The following TMX2 variants were observed in gnomAD, a reference collection of about 807,000 sequenced individuals.
The protein encoded by TMX2 is thioredoxin related transmembrane protein 2, also known as thioredoxin-related transmembrane protein 2.
A neutral mutation model predicts 33.4 loss-of-function variants in TMX2; 20 were observed. That is an observed-to-expected ratio of 0.60 (90% confidence interval 0.42 to 0.87). TMX2 has a LOEUF of 0.87. Ranked by LOEUF, TMX2 falls within the 40% of genes least tolerant of loss-of-function variation. The pLI is 0.00. For synonymous variants in TMX2, 166 were observed against 140.7 expected (o/e 1.18, Z -1.27); for missense variants, 340 against 370.7 (o/e 0.92, Z 0.68).
intron 1 of TMX2, among the ~76,000 whole-genome samples, chr11:57,732,792 T>C (rs552087441): frequency 1.4e-4 from 21 of 152,126 alleles, no homozygotes; most frequent in Admixed American, 3.9e-4. Context: ...ATTAAATCAT[T>C]GGCCATTGGT....
chr11:57,738,676 C>T lies in TMX2; in HGVS notation c.454C>T (p.Arg152Trp), dbSNP rs960444778. 1.2e-5 allele frequency: 20 copies of T among 1,613,636 alleles called. No homozygotes were observed. Among genetic ancestry groups the T allele is most frequent in the African/African-American group, 2.7e-5 (2 of 74,900 alleles). ...CTGTATTTGGCAGGAGGAACTAGAA[C>T]GGGACAAGAGGGTCACTTGGATTGT... ...NDKTIDEELE[R>W]DKRVTWIVEF... Residue 152 changes from arginine (R) to tryptophan (W), a missense_variant, in exon 5 of 8, where the codon CGG (arginine) becomes TGG (tryptophan). Coordinates refer to ENST00000278422, the MANE Select transcript of TMX2 (RefSeq NM_015959.4).
chr11:57,717,006 A>G (rs1215461180), intron 1 of TMX2, among the ~76,000 whole-genome samples: 7 of 116,760 alleles, frequency 6.0e-5, no homozygotes, highest in East Asian at 2.8e-4. Context: ...GGGCAGAGAC[A>G]CTCCTCACCT....
chr11:57,739,965 G>A (rs911325733), intron 7 of TMX2, 134 bp from the exon 8 acceptor site: 6 of 1,220,904 alleles, frequency 4.9e-6, no homozygotes, highest in Non-Finnish European at 6.9e-6. Context: ...CTAAAAAAGA[G>A]GAAGGTTAGG....
intron 1 of TMX2, among the ~76,000 whole-genome samples, chr11:57,716,323 G>T (rs1341581462): frequency 7.4e-6 from 1 of 135,242 alleles, no homozygotes; most frequent in Admixed American, 7.2e-5. Flanking sequence ...TCCCGGACGG[G>T]GCGGCTGGCC....
chr11:57,732,459 A>G (rs1948460037), intron 1 of TMX2, among the ~76,000 whole-genome samples: 1 of 152,192 alleles, frequency 6.6e-6, no homozygotes, highest in Non-Finnish European at 1.5e-5. Context: ...TGCCACTTCA[A>G]TGAAAATGGG....
chr11:57,727,562 T>G lies in TMX2; in HGVS notation c.190-10046T>G, dbSNP rs142319036. On this transcript the variant is annotated intron_variant, in intron 1 of 7. Transcript: ENST00000278422. ...GATGGGTTTTATTTAACCCTGGATA[T>G]CTATTGTGACTTACTTTCCTATCTG... Among the ~76,000 whole-genome samples, 12 of 152,296 alleles carry G rather than the reference T, an allele frequency of 7.9e-5. No homozygotes were observed. The East Asian group carries it at 2.3e-3, about 29-fold the overall frequency.
chr11:57,738,554 A>G, intron 4 of TMX2, 110 bp from the exon 5 acceptor site: 1 of 1,241,678 alleles, frequency 8.1e-7, no homozygotes, highest in Non-Finnish European at 1.2e-6. Flanking sequence ...GTGGTTCATT[A>G]TGAGAGCCGG....
intron 1 of TMX2, among the ~76,000 whole-genome samples, chr11:57,716,273 C>G (rs1204421170): frequency 1.4e-5 from 2 of 148,090 alleles, no homozygotes; most frequent in South Asian, 2.1e-4. Context: ...GACCCCCCCC[C>G]ACCTCCCTCC....
intron 5 of TMX2, 52 bp downstream of exon 5, chr11:57,738,822 TCTCA>T: frequency 7.6e-6 from 12 of 1,572,062 alleles, no homozygotes; most frequent in Non-Finnish European, 9.6e-6. Flanking sequence ...GTGCCTTCCC[TCTCA>T]CTGTTTTTGG....
chr11:57,723,982 C>T (rs567861047), intron 1 of TMX2, among the ~76,000 whole-genome samples: 1 of 151,002 alleles, frequency 6.6e-6, no homozygotes, highest in African/African-American at 2.4e-5. Context: ...AGGGGAAGGG[C>T]AAAACCAAGT....
At chr11:57,735,632 G>A (rs983244857) in intron 1 of TMX2, among the ~76,000 whole-genome samples, 4 of 152,196 alleles carry the variant, frequency 2.6e-5, no homozygotes, top group African/African-American at 9.6e-5. Context: ...GGAAACAGGA[G>A]TTTATGCTAA....
At chr11:57,734,157 CAAAAAAAAAAAAAAA>C (rs60802364) in intron 1 of TMX2, among the ~76,000 whole-genome samples, 45 of 49,764 alleles carry the variant, frequency 9.0e-4, no homozygotes, top group Admixed American at 3.2e-3. Flanking sequence ...ACCCTGTCTC[CAAAAAAAAAAAAAAA>C]AAAAAAAAAA....
At chr11:57,728,400 C>T (rs1948139595) in intron 1 of TMX2, among the ~76,000 whole-genome samples, 1 of 151,950 alleles carries the variant, frequency 6.6e-6, no homozygotes, top group Non-Finnish European at 1.5e-5. Flanking sequence ...TAATATGGCT[C>T]CCAACGTTGG....
intron 1 of TMX2, among the ~76,000 whole-genome samples, chr11:57,733,247 ATTTTTTTTTTTT>A (rs71061537): frequency 1.3e-5 from 1 of 74,866 alleles, no homozygotes. Context: ...ACAGTGAGGA[ATTTTTTTTTTTT>A]TTTTTTTTTT....
Position 57,712,636 on chromosome 11 carries a change from T to G in TMX2, c.18T>G (p.Pro6=). The G allele has an allele frequency of 6.2e-7, 1 of 1,613,874 alleles. No homozygotes were observed. The stretch of plus-strand genomic sequence containing the variant: ...CCGAAAAGATGGCGGTCTTGGCACC[T>G]CTAATTGCTCTCGTGTATTCGGTGC... MAVLA[P]LIALVYSVPR... is the part of the protein sequence containing the mutation. The change falls in exon 1 of 8, where the codon CCT becomes CCG. Residue 6 remains proline, a synonymous_variant. Coordinates refer to ENST00000278422, the MANE Select transcript of TMX2 (RefSeq NM_015959.4).
rs748305775 is a variant in TMX2 at position 57,739,191 on chromosome 11, T to G, written c.675T>G (p.Gly225=). 1.2e-6 allele frequency: 2 copies of G among 1,613,986 alleles called. No homozygotes were observed. Among genetic ancestry groups the G allele is most frequent in the Non-Finnish European group, 1.7e-6 (2 of 1,180,008 alleles). ...KQLPTLILFQ[G]GKEAMRRPQI... Reference sequence around the variant, plus strand: ...TCCCTACCCTGATCCTGTTCCAAGGTGGCAAGGAGGCAATGCGGCGGCCAC... The same window carrying G: ...TCCCTACCCTGATCCTGTTCCAAGGGGGCAAGGAGGCAATGCGGCGGCCAC... The change falls in exon 7 of 8, where the codon GGT becomes GGG. Residue 225 remains glycine (G), a synonymous_variant. Coordinates refer to ENST00000278422, the MANE Select transcript of TMX2 (RefSeq NM_015959.4).
At chr11:57,728,938 G>T (rs1948175520) in intron 1 of TMX2, among the ~76,000 whole-genome samples, 1 of 152,022 alleles carries the variant, frequency 6.6e-6, no homozygotes, top group South Asian at 2.1e-4. Context: ...ACACACATGA[G>T]GGCTGATCAC....
At chr11:57,720,160 A>G (rs532933088) in intron 1 of TMX2, among the ~76,000 whole-genome samples, 3 of 147,258 alleles carry the variant, frequency 2.0e-5, no homozygotes, top group Non-Finnish European at 3.0e-5. Context: ...AAAAGGTGCC[A>G]CTGACCCTCT....
chr11:57,735,061 C>T (rs1430151486), intron 1 of TMX2, among the ~76,000 whole-genome samples: 15 of 151,138 alleles, frequency 9.9e-5, no homozygotes, highest in South Asian at 2.1e-4. Flanking sequence ...ACCTGGGAGG[C>T]GGAGGTTGCA....
Sources: gnomAD v4.1 joint callset for allele counts (sites outside exome capture counted in the v4.1 genomes callset) on GRCh38, gnomAD v4.1.1 for gene constraint, MANE v1.5 for transcripts, NCBI Gene and HGNC (gene_info 2026-07-23, HGNC 2026-07-21) for gene names.